Variants in SPATA17 observed in about 807,000 individuals in gnomAD.
SPATA17 encodes the protein spermatogenesis-associated protein 17.
Under a neutral mutation model 62.2 loss-of-function variants are expected in SPATA17, and 53 were observed. The observed-to-expected ratio is 0.85, with a 90% CI of 0.68 to 1.07. The LOEUF is 1.07. SPATA17 is among the 50% of genes least tolerant of loss of function. SPATA17 has a pLI of 0.00. For synonymous variants in SPATA17, 146 were observed against 146.8 expected (o/e 0.99, Z 0.04); for missense variants, 466 against 425.5 (o/e 1.10, Z -0.84).
rs569780133 is a variant in SPATA17, at chr1:217,843,278, A to G, written c.1006-19496A>G. ...TACTGAGTTTTGATATCATGTTGGT[A>G]TTATTGATACCAGTATTACTTATTC... On this transcript the variant is annotated intron_variant, in intron 9 of 10. Transcript: ENST00000366933. Among the ~76,000 whole-genome samples the G allele has an allele frequency of 2.6e-5, 4 of 152,128 alleles. No individual in the cohort carries two copies. In the South Asian group the frequency reaches 6.2e-4, roughly 24 times the overall value.
At chr1:217,791,345 T>G (rs1241559070) in intron 8 of SPATA17, among the ~76,000 whole-genome samples, 3 of 152,182 alleles carry the variant, frequency 2.0e-5, no homozygotes, top group African/African-American at 7.2e-5. Flanking sequence ...CCTTCATTTT[T>G]CCAGCTTAAT....
At chr1:217,859,051 A>G (rs989054275) in intron 9 of SPATA17, among the ~76,000 whole-genome samples, 2 of 149,104 alleles carry the variant, frequency 1.3e-5, no homozygotes, top group African/African-American at 4.9e-5. Context: ...ATAAAATAAA[A>G]TAAAATTATA....
At chr1:217,719,798 C>T (rs1453542389) in intron 5 of SPATA17, among the ~76,000 whole-genome samples, 2 of 152,210 alleles carry the variant, frequency 1.3e-5, no homozygotes, top group East Asian at 3.8e-4. Flanking sequence ...GAGCCTCTCC[C>T]AACCCATAAA....
At chr1:217,669,159 G>T in intron 4 of SPATA17, 76 bp downstream of exon 4, 1 of 1,247,850 alleles carries the variant, frequency 8.0e-7, no homozygotes, top group African/African-American at 1.5e-5. Flanking sequence ...AATGAGCAAA[G>T]CAGAATAATG....
rs1289338606 is a variant in SPATA17, at chr1:217,727,606, TAA to T, written c.396-14367_396-14366del. Among the ~76,000 whole-genome samples, 12 of 152,256 alleles carry T rather than the reference TAA, an allele frequency of 7.9e-5. No homozygotes were observed. The East Asian group carries it at 2.1e-3, about 27-fold the overall frequency. On this transcript the variant is annotated intron_variant, in intron 5 of 10. Coordinates refer to ENST00000366933, the MANE Select transcript of SPATA17 (RefSeq NM_138796.4). ...AAATTTGGAGGAATATTTGAATAGT[TAA>T]AGAGTCTGATTCTCTTAAAATGTAT...
chr1:217,742,236 T>A, intron 6 of SPATA17, 138 bp downstream of exon 6: 1 of 1,150,978 alleles, frequency 8.7e-7, no homozygotes, highest in Non-Finnish European at 1.2e-6. Flanking sequence ...ATTTCGTGCT[T>A]CTGTGTAGGT....
chr1:217,773,212 T>G (rs1673497719), intron 6 of SPATA17, among the ~76,000 whole-genome samples: 2 of 152,312 alleles, frequency 1.3e-5, no homozygotes, highest in Admixed American at 1.3e-4. Flanking sequence ...GCTTTGGAAC[T>G]GCTGATTCCA....
chr1:217,744,175 A>AT (rs1396684552), intron 6 of SPATA17, among the ~76,000 whole-genome samples: 1 of 114,380 alleles, frequency 8.7e-6, no homozygotes, highest in Non-Finnish European at 2.2e-5. Flanking sequence ...TTGACAAAGA[A>AT]TTTTCGGCCG....
rs557876853 is a variant in SPATA17, at chr1:217,644,317, A to G, written c.69-4565A>G. Among the ~76,000 whole-genome samples the G allele has an allele frequency of 3.1e-4, 47 of 152,366 alleles. 1 individual carries two copies. Among genetic ancestry groups the G allele is most frequent in the African/African-American group, 9.6e-4 (40 of 41,590 alleles). The stretch of plus-strand genomic sequence containing the variant: ...TAGGCACATGAGTGATAATCAGAAC[A>G]CAAAATATAGATTAAGTATACTATA... On this transcript the variant is annotated intron_variant, in intron 1 of 10. Transcript: ENST00000366933.
intron 4 of SPATA17, among the ~76,000 whole-genome samples, chr1:217,677,770 A>G (rs563525095): frequency 6.6e-6 from 1 of 151,940 alleles, no homozygotes; most frequent in Non-Finnish European, 1.5e-5. Flanking sequence ...GAAAGGAAGT[A>G]TAAGGCTAGT....
chr1:217,709,112 A>G (rs1671801200), intron 5 of SPATA17, among the ~76,000 whole-genome samples: 1 of 152,220 alleles, frequency 6.6e-6, no homozygotes, highest in South Asian at 2.1e-4. Context: ...AGTCTCTTTC[A>G]GATGTTCACC....
At chr1:217,787,626 A>T (rs1673901470) in intron 8 of SPATA17, among the ~76,000 whole-genome samples, 1 of 152,212 alleles carries the variant, frequency 6.6e-6, no homozygotes, top group Non-Finnish European at 1.5e-5. Context: ...TAAAAACCTT[A>T]AACACTATTA....
chr1:217,676,937 C>G (rs533928414), intron 4 of SPATA17, among the ~76,000 whole-genome samples: 33 of 152,138 alleles, frequency 2.2e-4, no homozygotes, highest in African/African-American at 7.7e-4. Flanking sequence ...CCCTGAAATC[C>G]CCATACCTGT....
intron 9 of SPATA17, among the ~76,000 whole-genome samples, chr1:217,808,290 G>A (rs2102990688): frequency 6.6e-6 from 1 of 152,042 alleles, no homozygotes; most frequent in African/African-American, 2.4e-5. Flanking sequence ...TTAGCTCAGT[G>A]ATCCCCAGTA....
rs1212169856 is a variant in SPATA17, at chr1:217,774,387, G to T, written c.573G>T (p.Leu191=). Residue 191 remains leucine (L), a synonymous_variant, in exon 7 of 11, where the codon CTG becomes CTT. Transcript: ENST00000366933. The stretch of plus-strand genomic sequence containing the variant: ...GAAAAGAGCCTGATCCATGGGAGCT[G>T]CAATTACAGAAGGCAAAGCCTTTAA... ...PFRKEPDPWE[L]QLQKAKPLTH... is the part of the protein sequence containing the mutation. 1.9e-6 allele frequency: 3 copies of T among 1,614,046 alleles called. No homozygotes were observed. Among genetic ancestry groups the T allele is most frequent in the Admixed American group, 3.3e-5 (2 of 60,026 alleles).
intron 5 of SPATA17, among the ~76,000 whole-genome samples, chr1:217,700,482 G>T (rs1264776724): frequency 6.6e-6 from 1 of 151,952 alleles, no homozygotes. Context: ...TTTATGTTTT[G>T]ACAAAAATCT....
Position 217,704,858 on chromosome 1 carries a change from C to T in SPATA17, c.395+21497C>T, listed in dbSNP as rs565631134. On this transcript the variant is annotated intron_variant, in intron 5 of 10. Transcript: ENST00000366933. ...TTTGCTATTGTGAATGGTACTGAGA[C>T]GAACAGACATGAGCACATGTCTTTA... is the stretch of plus-strand genomic sequence containing the variant. 5.9e-5 allele frequency among the ~76,000 whole-genome samples: 9 copies of T among 152,110 alleles called. No homozygotes were observed. The South Asian group carries it at 8.3e-4, about 14-fold the overall frequency.
At chr1:217,751,437 G>T (rs1240722514) in intron 6 of SPATA17, among the ~76,000 whole-genome samples, 1 of 152,120 alleles carries the variant, frequency 6.6e-6, no homozygotes, top group African/African-American at 2.4e-5. Flanking sequence ...CTGGACATTT[G>T]TTCTTAATCC....
intron 5 of SPATA17, among the ~76,000 whole-genome samples, chr1:217,688,341 C>T (rs950390571): frequency 6.6e-6 from 1 of 152,144 alleles, no homozygotes; most frequent in Non-Finnish European, 1.5e-5. Flanking sequence ...ACCAAAACAC[C>T]TACTCTTTAA....
Sources: gnomAD v4.1 joint callset for allele counts (sites outside exome capture counted in the v4.1 genomes callset) on GRCh38, gnomAD v4.1.1 for gene constraint, MANE v1.5 for transcripts, NCBI Gene and HGNC (gene_info 2026-07-23, HGNC 2026-07-21) for gene names.